The following PEG3 variants were observed in gnomAD, a reference collection of about 807,000 sequenced individuals.
PEG3 encodes the protein paternally-expressed gene 3 protein.
PEG3 carries 23 observed loss-of-function variants against 35.5 expected under a neutral mutation model. The ratio of observed to expected loss-of-function variants is 0.65; its 90% confidence interval spans 0.47 to 0.92. PEG3 has a LOEUF of 0.92. PEG3 is among the 40% of genes least tolerant of loss of function. The pLI, the probability that PEG3 is intolerant of heterozygous loss-of-function variation, is 0.00. For missense variants in PEG3, 1,960 were observed against 1,985.3 expected, an observed-to-expected ratio of 0.99 and a Z score of 0.24; for synonymous variants, 707 against 697.0, an observed-to-expected ratio of 1.01 and a Z score of -0.23.
In PEG3 at chr19:56,816,402, A is replaced by G. The variant is rs144022327; in HGVS notation, c.2040T>C (p.Asn680=). The change falls in exon 10 of 10, where the codon AAT becomes AAC. Residue 680 remains asparagine, a synonymous_variant. Coordinates refer to ENST00000326441, the MANE Select transcript of PEG3 (RefSeq NM_006210.3). ...CTGTAAAGTCACAGAGCTTCTCCTT[A>G]TTGTAAGTTTTCTGACGCCTTTTAA... ...QSLKRRQKTY[N]KEKLCDFTDG... 1,116 of 1,613,706 alleles carry G rather than the reference A, an allele frequency of 6.9e-4. 1 individual carries two copies. The highest frequency in any genetic ancestry group is 9.0e-4 in the Non-Finnish European group (1,066 of 1,179,806).
intron 2 of PEG3, among the ~76,000 whole-genome samples, chr19:56,834,653 A>G (rs2061902050): frequency 6.6e-6 from 1 of 152,196 alleles, no homozygotes; most frequent in Non-Finnish European, 1.5e-5. Flanking sequence ...CCTCGGGCAA[A>G]GGAGGTTTCC....
chr19:56,817,617 C>T (rs1402323627), intron 9 of PEG3, 38 bp from the exon 10 acceptor site: 2 of 1,554,458 alleles, frequency 1.3e-6, no homozygotes, highest in East Asian at 4.5e-5. Context: ...TCCCTAGTCC[C>T]CATAAGAAGG....
chr19:56,833,555 G>A (rs1236170485), intron 2 of PEG3: 1 of 211,842 alleles, frequency 4.7e-6, no homozygotes, highest in Non-Finnish European at 9.6e-6. Context: ...TAAAGTGCAT[G>A]CTACAGCCTG....
intron 8 of PEG3, 28 bp from the exon 9 acceptor site, chr19:56,817,863 C>T (rs2060124626): frequency 1.9e-6 from 3 of 1,590,834 alleles, no homozygotes; most frequent in African/African-American, 1.3e-5. Context: ...AATATGATGC[C>T]TCAAATTCAA....
intron 2 of PEG3, among the ~76,000 whole-genome samples, chr19:56,829,977 G>A (rs1001441142): frequency 2.0e-5 from 3 of 152,230 alleles, no homozygotes; most frequent in Non-Finnish European, 1.5e-5. Context: ...AAGGTCTAAA[G>A]GCTTGCCTGA....
chr19:56,813,696 G>A lies in PEG3; in HGVS notation c.4746C>T (p.His1582=). Reference sequence around the variant, plus strand: ...GCCCTCAGCCAGTGTGGGTATTCTGGTGTCTGGCGAGGGACAGGCGGTCAT... The same window carrying A: ...GCCCTCAGCCAGTGTGGGTATTCTGATGTCTGGCGAGGGACAGGCGGTCAT... ...LFNDRLSLAR[H]QNTHTG Residue 1582 remains histidine (H), a synonymous_variant, in exon 10 of 10, where the codon CAC becomes CAT. Transcript: ENST00000326441. 6.2e-7 allele frequency: 1 copy of A among 1,613,394 alleles called. No homozygotes were observed. The highest frequency in any genetic ancestry group is 8.5e-7 in the Non-Finnish European group (1 of 1,179,448).
Position 56,815,369 on chromosome 19 carries a change from C to T in PEG3, c.3073G>A (p.Ala1025Thr), listed in dbSNP as rs987908795. The T allele has an allele frequency of 6.2e-7, 1 of 1,614,188 alleles. No homozygotes were observed. Among genetic ancestry groups the T allele is most frequent in the Non-Finnish European group, 8.5e-7 (1 of 1,180,030 alleles). Reference protein sequence around the residue: ...PQTSYAQEQYAKEQARNKCKD... With the variant: ...PQTSYAQEQYTKEQARNKCKD... ...CATTTGTTCCGCGCTTGCTCTTTAG[C>T]ATACTGCTCTTGGGCGTAACTTGTT... Residue 1025 changes from alanine (A) to threonine (T), a missense_variant, in exon 10 of 10, where the codon GCT becomes ACT. Around this residue, in one of 5 missense-constraint regions of PEG3, gnomAD observed 798 missense variants for 782.4 expected, o/e 1.02. Transcript: ENST00000326441.
Position 56,813,350 on chromosome 19 carries a change from T to C in PEG3, c.*325A>G, listed in dbSNP as rs773756326. On this transcript the variant is annotated 3_prime_UTR_variant, in exon 10 of 10. Transcript: ENST00000326441. The stretch of plus-strand genomic sequence containing the variant: ...ACCTCATGAAACACTATATATACGT[T>C]ACACAAGTGTCATTTACAGTTGATT... 30 of 1,106,274 alleles carry C rather than the reference T, an allele frequency of 2.7e-5. No individual in the cohort carries two copies. The highest frequency in any genetic ancestry group is 3.3e-5 in the Non-Finnish European group (30 of 900,632). The allele number at this position is 1,106,274 out of a possible 1,614,324, so 68.5% of individuals were successfully genotyped here.
At position 56,815,632 on chromosome 19, in the gene PEG3, G is replaced by A. The variant is rs1451591222; in HGVS notation, c.2810C>T (p.Ala937Val). The change falls in exon 10 of 10, where the codon GCT becomes GTT. Residue 937 changes from alanine (A) to valine (V), a missense_variant. Ala to Val is a moderately conservative substitution (Grantham distance 64). Around this residue, in one of 5 missense-constraint regions of PEG3, gnomAD observed 798 missense variants for 782.4 expected, o/e 1.02. Coordinates refer to ENST00000326441, the MANE Select transcript of PEG3 (RefSeq NM_006210.3). Reference protein sequence around the residue: ...SNVREYQKARAKKKYIEHRSN... With the variant: ...SNVREYQKARVKKKYIEHRSN... ...CCTATGCTCAATGTATTTCTTTTTAGCACGAGCCTTCTGGTATTCACGGAC... is the reference window on the plus strand; with the variant it reads ...CCTATGCTCAATGTATTTCTTTTTAACACGAGCCTTCTGGTATTCACGGAC... 6.2e-7 allele frequency: 1 copy of A among 1,614,130 alleles called. No individual in the cohort carries two copies. The highest frequency in any genetic ancestry group is 8.5e-7 in the Non-Finnish European group (1 of 1,180,014).
Position 56,813,844 on chromosome 19 carries a change from A to T in PEG3, c.4598T>A (p.Phe1533Tyr). 1 of 1,614,182 alleles carries T rather than the reference A, an allele frequency of 6.2e-7. No homozygotes were observed. Among genetic ancestry groups the T allele is most frequent in the Non-Finnish European group, 8.5e-7 (1 of 1,180,034 alleles). ...HLKTHASMIIFEPANAFGECS... is the reference protein window; with the variant it reads ...HLKTHASMIIYEPANAFGECS... The stretch of plus-strand genomic sequence containing the variant: ...CTCCCCAAAGGCATTTGCAGGCTCA[A>T]ATATGATCATGCTGGCATGAGTTTT... Residue 1533 changes from phenylalanine (F) to tyrosine (Y), a missense_variant, in exon 10 of 10, where the codon TTT (phenylalanine) becomes TAT (tyrosine). By Grantham distance (22) the Phe-to-Tyr change is conservative (BLOSUM62 3). Around this residue, in one of 5 missense-constraint regions of PEG3, gnomAD observed 416 missense variants for 416.7 expected, o/e 1.00. Coordinates refer to ENST00000326441, the MANE Select transcript of PEG3 (RefSeq NM_006210.3).
At position 56,814,774 on chromosome 19, in the gene PEG3, G is replaced by A. The variant is rs777391933; in HGVS notation, c.3668C>T (p.Ser1223Leu). The A allele has an allele frequency of 1.1e-5, 18 of 1,613,974 alleles. No homozygotes were observed. In the Admixed American group the frequency reaches 1.5e-4, roughly 13 times the overall value. ...TCCACACAAAAGGCATCGAATGGCC[G>A]ACCCAGCAAGAGCAGGATTCCTCTC... ...AAERNPALAG[S>L]AIRCLLCGQG... Residue 1223 changes from serine to leucine, a missense_variant, in exon 10 of 10, where the codon TCG (serine) becomes TTG (leucine). Transcript: ENST00000326441. This position sits in a 1 kb window ranked among gnomAD's most constrained non-coding sequence, Gnocchi z 5.8.
chr19:56,821,910 C>T (rs2060526495), intron 6 of PEG3, among the ~76,000 whole-genome samples, 156 bp from the exon 7 acceptor site: 1 of 152,020 alleles, frequency 6.6e-6, no homozygotes, highest in African/African-American at 2.4e-5. Context: ...TGAGGAGTCC[C>T]ATAAAACCAG....
At chr19:56,826,688 C>A (rs1000892475) in intron 2 of PEG3, among the ~76,000 whole-genome samples, 1 of 152,038 alleles carries the variant, frequency 6.6e-6, no homozygotes, top group African/African-American at 2.4e-5. Context: ...AAGTCAAAAA[C>A]GCAAGACAAA....
At chr19:56,829,121 C>T (rs559491353) in intron 2 of PEG3, among the ~76,000 whole-genome samples, 65 of 151,992 alleles carry the variant, frequency 4.3e-4, no homozygotes, top group Non-Finnish European at 7.8e-4. Flanking sequence ...GAGGCCGAGG[C>T]GGGTAGATTA....
At chr19:56,829,584 A>C (rs2061387380) in intron 2 of PEG3, among the ~76,000 whole-genome samples, 1 of 152,206 alleles carries the variant, frequency 6.6e-6, no homozygotes, top group South Asian at 2.1e-4. Flanking sequence ...CAAAGGCAGG[A>C]AGAGGAAGTG....
chr19:56,814,093 G>A lies in PEG3; in HGVS notation c.4349C>T (p.Ala1450Val). The A allele has an allele frequency of 1.2e-6, 2 of 1,614,060 alleles. No individual in the cohort carries two copies. Among genetic ancestry groups the A allele is most frequent in the Non-Finnish European group, 1.7e-6 (2 of 1,180,020 alleles). ...NGEAEQPNGDADEPDGAGIED... is the reference protein window; with the variant it reads ...NGEAEQPNGDVDEPDGAGIED... ...AATACCTGCACCATCTGGCTCATCA[G>A]CATCCCCATTTGGCTGCTCGGCCTC... Residue 1450 changes from alanine to valine, a missense_variant, in exon 10 of 10, where the codon GCT becomes GTT. Transcript: ENST00000326441. This position sits in a 1 kb window ranked among gnomAD's most constrained non-coding sequence, Gnocchi z 5.8.
chr19:56,831,574 T>C (rs897527128), intron 2 of PEG3, among the ~76,000 whole-genome samples: 4 of 152,224 alleles, frequency 2.6e-5, no homozygotes, highest in Admixed American at 2.0e-4. Flanking sequence ...GTGACAAACA[T>C]ACTTTGTTCT....
intron 2 of PEG3, chr19:56,833,225 A>G: frequency 2.0e-6 from 1 of 505,630 alleles, no homozygotes; most frequent in South Asian, 1.4e-5. Flanking sequence ...TCCCATTTCT[A>G]TTTACTTACT....
intron 2 of PEG3, chr19:56,833,180 C>CT: frequency 3.9e-6 from 2 of 517,156 alleles, no homozygotes; most frequent in South Asian, 2.8e-5. Flanking sequence ...CACATCCCAT[C>CT]TGATGCAGGA....
Sources: gnomAD v4.1 joint callset for allele counts (sites outside exome capture counted in the v4.1 genomes callset) on GRCh38, gnomAD v4.1.1 for gene constraint, gnomAD v4.1.1 regional missense constraint, Gnocchi (gnomAD v3.1) non-coding constraint, MANE v1.5 for transcripts, NCBI Gene and HGNC (gene_info 2026-07-23, HGNC 2026-07-21) for gene names.